KCNG3: variants seen among roughly 807,000 people sequenced by gnomAD.
The protein encoded by KCNG3 is potassium voltage-gated channel modifier subfamily G member 3.
Under a neutral mutation model 29.0 loss-of-function variants are expected in KCNG3, and 15 were observed. That is an observed-to-expected ratio of 0.52 (90% confidence interval 0.35 to 0.80). KCNG3 has a LOEUF of 0.80. Ranked by LOEUF, KCNG3 falls within the 30% of genes least tolerant of loss-of-function variation. The pLI, the probability that KCNG3 is intolerant of heterozygous loss-of-function variation, is 0.01. For synonymous variants in KCNG3, 322 were observed against 248.9 expected, an observed-to-expected ratio of 1.29 and a Z score of -2.76; for missense variants, 512 against 605.7, an observed-to-expected ratio of 0.85 and a Z score of 1.62.
At chr2:42,488,010 T>C (rs564655598) in intron 1 of KCNG3, among the ~76,000 whole-genome samples, 1 of 152,188 alleles carries the variant, frequency 6.6e-6, no homozygotes, top group Non-Finnish European at 1.5e-5. Context: ...CTGGCTTTTG[T>C]AAATATATAT....
At chr2:42,445,854 G>A (rs958504568) in intron 1 of KCNG3, among the ~76,000 whole-genome samples, 4 of 151,918 alleles carry the variant, frequency 2.6e-5, no homozygotes, top group East Asian at 3.9e-4. Context: ...AGCCTCTCCA[G>A]TAGCTGGGAC....
intron 1 of KCNG3, among the ~76,000 whole-genome samples, chr2:42,447,626 C>G (rs188441720): frequency 1.3e-5 from 2 of 152,232 alleles, no homozygotes; most frequent in African/African-American, 4.8e-5. Flanking sequence ...AGCGATCCTC[C>G]CACCTCAGGC....
intron 1 of KCNG3, among the ~76,000 whole-genome samples, chr2:42,477,053 G>A (rs1320638277): frequency 4.7e-5 from 7 of 150,418 alleles, no homozygotes; most frequent in East Asian, 4.1e-4. Context: ...TTAGCCGGGC[G>A]TGGTGGCAGG....
chr2:42,394,308 C>T, the KCNG3 span, among the ~76,000 whole-genome samples: 3 of 152,142 alleles, frequency 2.0e-5, no homozygotes, highest in African/African-American at 2.4e-5. Flanking sequence ...CACAGTCTGC[C>T]GACACCACGG....
chr2:42,417,240 C>T, the KCNG3 span, among the ~76,000 whole-genome samples: 1 of 152,016 alleles, frequency 6.6e-6, no homozygotes, highest in South Asian at 2.1e-4. Flanking sequence ...AAGACTCCAT[C>T]TCAAAAAATA....
chr2:42,485,804 A>G (rs552572468), intron 1 of KCNG3, among the ~76,000 whole-genome samples: 1 of 152,336 alleles, frequency 6.6e-6, no homozygotes, highest in South Asian at 2.1e-4. Context: ...GAAACAGAAC[A>G]TTAATCTCCT....
the KCNG3 span, among the ~76,000 whole-genome samples, chr2:42,404,975 C>A: frequency 1.3e-5 from 2 of 152,110 alleles, no homozygotes; most frequent in Non-Finnish European, 2.9e-5. Context: ...AGTTTGGCAG[C>A]AAAAAAAGTC....
In KCNG3 at chr2:42,492,873, C is replaced by A. The variant is rs777019878; in HGVS notation, c.629G>T (p.Ser210Ile). The stretch of plus-strand genomic sequence containing the variant: ...CCTCCCAGGGCCGGCGGAGTACCTG[C>A]TCCGGTCATCCAGGCTGCGGTTGTC... ...AADNRSLDDR[S>I]RYSAGPGREP... The change falls in exon 1 of 2, where the codon AGC (serine) becomes ATC (isoleucine). Residue 210 changes from serine (S) to isoleucine (I), a missense_variant. By Grantham distance (142) the Ser-to-Ile change is moderately radical (BLOSUM62 -2). Coordinates refer to ENST00000306078, the MANE Select transcript of KCNG3 (RefSeq NM_133329.6). 3 of 1,532,862 alleles carry A rather than the reference C, an allele frequency of 2.0e-6. No individual in the cohort carries two copies. In the South Asian group the frequency reaches 3.8e-5, roughly 20 times the overall value. The allele number at this position is 1,532,862 out of a possible 1,614,324, so 95.0% of individuals were successfully genotyped here.
the KCNG3 span, among the ~76,000 whole-genome samples, chr2:42,436,382 A>C: frequency 6.6e-6 from 1 of 152,226 alleles, no homozygotes; most frequent in Non-Finnish European, 1.5e-5. Flanking sequence ...ATGGCATACG[A>C]ATTATGTCTC....
chr2:42,472,745 C>A (rs113540376), intron 1 of KCNG3, among the ~76,000 whole-genome samples: 1 of 151,748 alleles, frequency 6.6e-6, no homozygotes, highest in Admixed American at 6.6e-5. Context: ...GGTGATATAC[C>A]CGCCTCGGCC....
At position 42,477,382 on chromosome 2, in the gene KCNG3, T is replaced by TACACACACAC. The variant is rs1328091998; in HGVS notation, c.665+15454_665+15455insGTGTGTGTGT. On this transcript the variant is annotated intron_variant, in intron 1 of 1. Coordinates refer to ENST00000306078, the MANE Select transcript of KCNG3 (RefSeq NM_133329.6). ...GTATATACATATATATACACACACA[T>TACACACACAC]ATATATACACACACACACACACACA... Among the ~76,000 whole-genome samples the TACACACACAC allele has an allele frequency of 8.2e-3, 859 of 105,050 alleles. 9 individuals carry two copies. The highest frequency in any genetic ancestry group is 0.03 in the East Asian group (88 of 2,944). The allele number at this position is 105,050 out of a possible 152,430, so 68.9% of individuals were successfully genotyped here.
the KCNG3 span, among the ~76,000 whole-genome samples, chr2:42,408,977 G>A: frequency 6.6e-6 from 1 of 152,098 alleles, no homozygotes; most frequent in Non-Finnish European, 1.5e-5. Flanking sequence ...GCTTGTGGTG[G>A]TACCTGGTCC....
chr2:42,456,524 A>G (rs1672877057), intron 1 of KCNG3, among the ~76,000 whole-genome samples: 1 of 152,142 alleles, frequency 6.6e-6, no homozygotes, highest in African/African-American at 2.4e-5. Flanking sequence ...AAAAACAAAC[A>G]AAAAAAGATT....
intron 1 of KCNG3, among the ~76,000 whole-genome samples, chr2:42,477,260 T>C (rs547996824): frequency 6.6e-6 from 1 of 150,944 alleles, no homozygotes; most frequent in African/African-American, 2.4e-5. Flanking sequence ...TTCCAGTGAC[T>C]GCTAAATACA....
chr2:42,486,967 G>T (rs551481425), intron 1 of KCNG3, among the ~76,000 whole-genome samples: 2 of 151,904 alleles, frequency 1.3e-5, no homozygotes, highest in Non-Finnish European at 2.9e-5. Flanking sequence ...GACCAGCCTG[G>T]CCAATATGGT....
intron 1 of KCNG3, among the ~76,000 whole-genome samples, chr2:42,473,820 C>A (rs969441575): frequency 1.3e-5 from 2 of 152,104 alleles, no homozygotes; most frequent in Non-Finnish European, 2.9e-5. Context: ...ATCTTCAAAG[C>A]ATTTGCTGTA....
chr2:42,420,670 T>C, the KCNG3 span, among the ~76,000 whole-genome samples: 1 of 152,022 alleles, frequency 6.6e-6, no homozygotes, highest in Non-Finnish European at 1.5e-5. Flanking sequence ...ATGCCTGTAA[T>C]CCCAGCTACT....
the KCNG3 span, among the ~76,000 whole-genome samples, chr2:42,436,248 G>T: frequency 6.6e-6 from 1 of 152,096 alleles, no homozygotes; most frequent in Non-Finnish European, 1.5e-5. Flanking sequence ...GTGGAAATGG[G>T]TAGTGACTGC....
At chr2:42,425,352 T>A in the KCNG3 span, among the ~76,000 whole-genome samples, 3 of 125,776 alleles carry the variant, frequency 2.4e-5, no homozygotes, top group Admixed American at 3.0e-4. Flanking sequence ...TGAACTAAGG[T>A]CCCGCCACTG....
Sources: gnomAD v4.1 joint callset for allele counts (sites outside exome capture counted in the v4.1 genomes callset) on GRCh38, gnomAD v4.1.1 for gene constraint, MANE v1.5 for transcripts, NCBI Gene and HGNC (gene_info 2026-07-23, HGNC 2026-07-21) for gene names.